The following HUNK variants were observed in gnomAD, a reference collection of about 807,000 sequenced individuals.
The protein encoded by HUNK is hormonally up-regulated neu tumor-associated kinase.
HUNK carries 21 observed loss-of-function variants against 61.0 expected under a neutral mutation model. The ratio of observed to expected loss-of-function variants is 0.34; its 90% CI spans 0.24 to 0.50. The LOEUF is 0.50. HUNK is among the 20% of genes least tolerant of loss of function. HUNK has a pLI of 0.98. For synonymous variants in HUNK, 371 were observed against 386.1 expected (o/e 0.96, Z 0.46); for missense variants, 772 against 945.7 (o/e 0.82, Z 2.41).
chr21:31,880,167 C>T (rs566062128), intron 1 of HUNK, among the ~76,000 whole-genome samples: 2 of 152,334 alleles, frequency 1.3e-5, no homozygotes, highest in East Asian at 1.9e-4. Flanking sequence ...GTGCCCCTCC[C>T]GTGCACATTC....
At chr21:31,996,075 G>A in intron 10 of HUNK, 127 bp downstream of exon 10, 2 of 736,986 alleles carry the variant, frequency 2.7e-6, no homozygotes, top group African/African-American at 1.9e-5. Context: ...AGAAAAGCAG[G>A]ATTAATGGAC....
chr21:31,897,110 G>C (rs2052430271), intron 1 of HUNK, among the ~76,000 whole-genome samples: 1 of 152,186 alleles, frequency 6.6e-6, no homozygotes. Context: ...CAGAAGTGGT[G>C]GCGAAGGCCT....
intron 3 of HUNK, among the ~76,000 whole-genome samples, chr21:31,941,533 C>T (rs2052768914): frequency 6.6e-6 from 1 of 152,166 alleles, no homozygotes; most frequent in African/African-American, 2.4e-5. Flanking sequence ...TCTCGAACTC[C>T]TGATTTCAGG....
Position 31,994,839 on chromosome 21 carries a change from C to T in HUNK, c.1306-929C>T, listed in dbSNP as rs558915833. On this transcript the variant is annotated intron_variant, in intron 9 of 10. Transcript: ENST00000270112. ...TCAGATGGATTATATTCTAGTACAA[C>T]GAAGGCAAGATTTAAACCAAAAGAA... Among the ~76,000 whole-genome samples, 13 of 152,282 alleles carry T rather than the reference C, an allele frequency of 8.5e-5. No individual in the cohort carries two copies. In the East Asian group the frequency reaches 1.3e-3, roughly 16 times the overall value.
Position 31,973,581 on chromosome 21 carries a change from G to GTGATGATGATGATGA in HUNK, c.1011-959_1011-945dup, listed in dbSNP as rs34890227. ...CCATTGGATGATGGTGATGGTGGTG[G>GTGATGATGATGATGA]TGATGATGATGATGATGATGATGAT... On this transcript the variant is annotated intron_variant, in intron 6 of 10. Coordinates refer to ENST00000270112, the MANE Select transcript of HUNK (RefSeq NM_014586.2). 7.0e-3 allele frequency among the ~76,000 whole-genome samples: 1,049 copies of GTGATGATGATGATGA among 150,296 alleles called. 7 individuals are homozygous for GTGATGATGATGATGA. The highest frequency in any genetic ancestry group is 0.023 in the African/African-American group (948 of 40,868).
chr21:31,985,815 G>T (rs59145401), intron 8 of HUNK, among the ~76,000 whole-genome samples: 4,194 of 152,288 alleles, frequency 0.028, 189 homozygotes, highest in African/African-American at 0.097. Flanking sequence ...AGAGGGGAAG[G>T]GAAGTCAGTG....
At position 32,000,042 on chromosome 21, in the gene HUNK, A is replaced by G. The variant is rs1222824526; in HGVS notation, c.*858A>G. ...TTGCTGAGTGCTGTGGCCCACAGGC[A>G]GGGCAAGTCTCGGTGGCCCTGTGTT... On this transcript the variant is annotated 3_prime_UTR_variant, in exon 11 of 11. Transcript: ENST00000270112. The G allele has an allele frequency of 5.0e-6, 2 of 397,274 alleles. No individual in the cohort carries two copies. The highest frequency in any genetic ancestry group is 8.9e-6 in the Non-Finnish European group (2 of 225,908). 24.6% of individuals were successfully genotyped at this position (397,274 alleles called of 1,614,324 possible).
rs2070372 is a variant in HUNK at position 31,999,227 on chromosome 21, T to A, written c.*43T>A. 2.9e-4 allele frequency: 447 copies of A among 1,525,032 alleles called. No homozygotes were observed. In the African/African-American group the frequency reaches 5.4e-3, roughly 18 times the overall value. The allele number at this position is 1,525,032 out of a possible 1,614,324, so 94.5% of individuals were successfully genotyped here. A position where few individuals can be genotyped will look rare whatever the true frequency, so the allele number is the denominator to read the frequency against. ...TGGGGTATCTCTAGAAAACAGCAAC[T>A]GAACAGAGCTCCACACATCTGTCAG... is the stretch of plus-strand genomic sequence containing the variant. On this transcript the variant is annotated 3_prime_UTR_variant, in exon 11 of 11. Coordinates refer to ENST00000270112, the MANE Select transcript of HUNK (RefSeq NM_014586.2).
At chr21:31,878,832 AC>A (rs1484127655) in intron 1 of HUNK, among the ~76,000 whole-genome samples, 1 of 152,236 alleles carries the variant, frequency 6.6e-6, no homozygotes, top group Non-Finnish European at 1.5e-5. Flanking sequence ...AAACTACAGA[AC>A]AAGAACAGAC....
intron 1 of HUNK, among the ~76,000 whole-genome samples, chr21:31,914,435 A>G (rs796588827): frequency 6.6e-6 from 1 of 150,546 alleles, no homozygotes. Flanking sequence ...AAAAAAAAAA[A>G]AAGACCCGGC....
intron 8 of HUNK, among the ~76,000 whole-genome samples, chr21:31,989,073 C>G (rs1219102920): frequency 6.6e-6 from 1 of 152,130 alleles, no homozygotes; most frequent in Non-Finnish European, 1.5e-5. Context: ...TTGCTCATCT[C>G]AGACTCCCAA....
At chr21:31,991,443 T>C (rs145594728) in intron 9 of HUNK, among the ~76,000 whole-genome samples, 2,191 of 152,268 alleles carry the variant, frequency 0.014, 46 homozygotes, top group African/African-American at 0.051. Context: ...GGTCTCAAAC[T>C]CCTGACCTCA....
At chr21:31,989,930 G>A (rs1208266122) in intron 8 of HUNK, among the ~76,000 whole-genome samples, 199 bp from the exon 9 acceptor site, 5 of 152,006 alleles carry the variant, frequency 3.3e-5, no homozygotes, top group Admixed American at 6.6e-5. Flanking sequence ...TTAATAAAAA[G>A]TTTACCTAGA....
At chr21:31,894,337 T>C (rs2123795070) in intron 1 of HUNK, among the ~76,000 whole-genome samples, 1 of 152,290 alleles carries the variant, frequency 6.6e-6, no homozygotes, top group Non-Finnish European at 1.5e-5. Flanking sequence ...GAATGCTCTT[T>C]CCATTTTCGT....
At chr21:31,906,465 C>T (rs577415004) in intron 1 of HUNK, among the ~76,000 whole-genome samples, 32 of 152,216 alleles carry the variant, frequency 2.1e-4, no homozygotes, top group African/African-American at 7.5e-4. Flanking sequence ...GAGAGAATCT[C>T]GCTCTGTCGC....
rs1272197887 is a variant in HUNK at position 31,967,217 on chromosome 21, G to A, written c.875-1033G>A. Among the ~76,000 whole-genome samples, 6 of 152,020 alleles carry A rather than the reference G, an allele frequency of 3.9e-5. No homozygotes were observed. The South Asian group carries it at 6.2e-4, about 16-fold the overall frequency. On this transcript the variant is annotated intron_variant, in intron 5 of 10. Transcript: ENST00000270112. ...AATAAAAAAAGTATCCAGGTGTGAC[G>A]GTGCATGCCTGTAGTCTCACCTACT...
rs143387331 is a variant in HUNK, at chr21:31,896,275, G to T, written c.261+22340G>T. On this transcript the variant is annotated intron_variant, in intron 1 of 10. Transcript: ENST00000270112. Reference sequence around the variant, plus strand: ...CTTCATACACCTCCATTTGCTGAGTGTCCCAGAAGCTAAGGTCGGCTTCAG... The same window carrying T: ...CTTCATACACCTCCATTTGCTGAGTTTCCCAGAAGCTAAGGTCGGCTTCAG... Among the ~76,000 whole-genome samples, 1,029 of 152,324 alleles carry T rather than the reference G, an allele frequency of 6.8e-3. 13 individuals carry two copies. The highest frequency in any genetic ancestry group is 0.037 in the South Asian group (177 of 4,820).
chr21:31,895,964 G>A (rs868199674), intron 1 of HUNK, among the ~76,000 whole-genome samples: 2 of 152,204 alleles, frequency 1.3e-5, no homozygotes, highest in South Asian at 2.1e-4. Context: ...TAACTAAGGC[G>A]AAATGAGGTT....
intron 1 of HUNK, among the ~76,000 whole-genome samples, chr21:31,881,138 A>T (rs1339728643): frequency 6.6e-6 from 1 of 152,162 alleles, no homozygotes; most frequent in Non-Finnish European, 1.5e-5. Flanking sequence ...TTCAGCACTG[A>T]CGGGGAATCT....
Sources: allele counts gnomAD v4.1 joint callset (sites outside exome capture counted in the v4.1 genomes callset), GRCh38; gene constraint gnomAD v4.1.1; transcripts MANE v1.5; gene names NCBI Gene and HGNC (gene_info 2026-07-23, HGNC 2026-07-21).